GREM2: variants seen among roughly 807,000 people sequenced by gnomAD.
GREM2 encodes gremlin 2, DAN family BMP antagonist.
Under a neutral mutation model 14.2 loss-of-function variants are expected in GREM2, and 11 were observed. That is an observed-to-expected ratio of 0.78 (90% confidence interval 0.49 to 1.28). GREM2 has a LOEUF of 1.28. Ranked by LOEUF, GREM2 falls within the 50% of genes most tolerant of loss-of-function variation. The probability of loss-of-function intolerance (pLI) is 0.00; values close to 1 mark genes in which losing one functional copy is unlikely to be tolerated. For synonymous variants in GREM2, 98 were observed against 97.6 expected (o/e 1.00, Z -0.02); for missense variants, 210 against 218.5 (o/e 0.96, Z 0.24).
chr1:240,502,813 T>A (rs1677599329), intron 1 of GREM2, among the ~76,000 whole-genome samples: 1 of 152,234 alleles, frequency 6.6e-6, no homozygotes, highest in South Asian at 2.1e-4. Flanking sequence ...GTATTGAATT[T>A]CAAGTTCTTC....
chr1:240,578,514 G>T (rs1036275972), intron 1 of GREM2, among the ~76,000 whole-genome samples: 38 of 151,974 alleles, frequency 2.5e-4, no homozygotes, highest in African/African-American at 9.2e-4. Context: ...GCTGGGCACG[G>T]TGGCTCAAGT....
intron 1 of GREM2, among the ~76,000 whole-genome samples, chr1:240,591,497 G>C (rs923784321): frequency 1.3e-5 from 2 of 152,154 alleles, no homozygotes; most frequent in Non-Finnish European, 2.9e-5. Flanking sequence ...TTACGTCTTT[G>C]GTATTCCTTC....
chr1:240,544,935 G>A (rs1483035791), intron 1 of GREM2, among the ~76,000 whole-genome samples: 1 of 152,166 alleles, frequency 6.6e-6, no homozygotes, highest in Non-Finnish European at 1.5e-5. Flanking sequence ...ATTTCACAAA[G>A]AGAAAAAATA....
Position 240,540,927 on chromosome 1 carries a change from C to T in GREM2, c.-1-47451G>A, listed in dbSNP as rs1403613753. Among the ~76,000 whole-genome samples the T allele has an allele frequency of 6.6e-6, 1 of 152,102 alleles. No individual in the cohort carries two copies. Among genetic ancestry groups the T allele is most frequent in the Non-Finnish European group, 1.5e-5 (1 of 68,022 alleles). On this transcript the variant is annotated intron_variant, in intron 1 of 1. Coordinates refer to ENST00000318160, the MANE Select transcript of GREM2 (RefSeq NM_022469.4). This position sits in a 1 kb window ranked among gnomAD's most constrained non-coding sequence, Gnocchi z 4.2. ...ATGGCACTCATCAATCAGTTTGTCG[C>T]CTTCCAGCATTCTGGACCAGAAGTC...
At chr1:240,499,391 G>C (rs536519940) in intron 1 of GREM2, among the ~76,000 whole-genome samples, 2 of 152,156 alleles carry the variant, frequency 1.3e-5, no homozygotes, top group Non-Finnish European at 2.9e-5. Context: ...TTGGAAAGTT[G>C]AAGGGAAGTC....
chr1:240,547,508 A>T (rs1410279316), intron 1 of GREM2, among the ~76,000 whole-genome samples: 1 of 98,740 alleles, frequency 1.0e-5, no homozygotes, highest in Non-Finnish European at 1.8e-5. Flanking sequence ...TCAAAAAAAA[A>T]AAAAAAATAT....
intron 1 of GREM2, among the ~76,000 whole-genome samples, chr1:240,527,242 G>A (rs182552989): frequency 3.2e-4 from 48 of 152,258 alleles, no homozygotes; most frequent in Admixed American, 1.2e-3. Context: ...ATTTAATCTT[G>A]ATAGATTTTA....
chr1:240,592,248 T>G (rs2102864973), intron 1 of GREM2, among the ~76,000 whole-genome samples: 1 of 152,306 alleles, frequency 6.6e-6, no homozygotes, highest in Middle Eastern at 3.4e-3. Flanking sequence ...GCAATCAGAC[T>G]TGTAAGACAC....
At chr1:240,510,445 A>G (rs949754610) in intron 1 of GREM2, among the ~76,000 whole-genome samples, 10 of 148,074 alleles carry the variant, frequency 6.8e-5, no homozygotes, top group African/African-American at 2.5e-4. Flanking sequence ...CAGACTGCAG[A>G]CTGCTGGTTG....
At chr1:240,576,611 G>T (rs1445784915) in intron 1 of GREM2, among the ~76,000 whole-genome samples, 1 of 152,180 alleles carries the variant, frequency 6.6e-6, no homozygotes, top group African/African-American at 2.4e-5. Flanking sequence ...ACTGTAGTGG[G>T]AAGTGGGGGA....
chr1:240,567,214 C>T (rs572057122), intron 1 of GREM2, among the ~76,000 whole-genome samples: 1 of 152,170 alleles, frequency 6.6e-6, no homozygotes, highest in Admixed American at 6.5e-5. Flanking sequence ...GATAACTTCA[C>T]GTGGTCTAAT....
intron 1 of GREM2, among the ~76,000 whole-genome samples, chr1:240,586,939 A>G (rs1370046149): frequency 6.6e-6 from 1 of 152,188 alleles, no homozygotes; most frequent in Admixed American, 6.5e-5. Context: ...GAAAGAACTT[A>G]ATATACGTGT....
chr1:240,563,603 C>A (rs1679116751), intron 1 of GREM2, among the ~76,000 whole-genome samples: 1 of 152,124 alleles, frequency 6.6e-6, no homozygotes, highest in Non-Finnish European at 1.5e-5. Context: ...TCCATGGGAA[C>A]CTTAGGCGGT....
chr1:240,505,522 ATAAT>A (rs1677657793), intron 1 of GREM2, among the ~76,000 whole-genome samples: 1 of 152,286 alleles, frequency 6.6e-6, no homozygotes, highest in African/African-American at 2.4e-5. Context: ...TTTGTATTTA[ATAAT>A]TACTTACTAA....
chr1:240,599,310 T>A (rs917765562), intron 1 of GREM2, among the ~76,000 whole-genome samples: 4 of 151,554 alleles, frequency 2.6e-5, no homozygotes, highest in African/African-American at 9.7e-5. Context: ...GAGGGCTGTG[T>A]CTACTATTTA....
intron 1 of GREM2, among the ~76,000 whole-genome samples, chr1:240,514,247 CAAAAAAAA>C (rs34702912): frequency 6.4e-4 from 51 of 80,244 alleles, no homozygotes; most frequent in African/African-American, 2.2e-3. Context: ...GATTCCATCT[CAAAAAAAA>C]AAAAAAAAAA....
intron 1 of GREM2, among the ~76,000 whole-genome samples, chr1:240,584,534 A>C (rs960378513): frequency 6.6e-6 from 1 of 151,564 alleles, no homozygotes; most frequent in African/African-American, 2.4e-5. Flanking sequence ...ATAAAAATTA[A>C]AAATTAAAAA....
intron 1 of GREM2, among the ~76,000 whole-genome samples, chr1:240,582,341 A>G (rs892825841): frequency 3.3e-5 from 5 of 152,216 alleles, no homozygotes; most frequent in Non-Finnish European, 7.3e-5. Context: ...AGGCTGAGGC[A>G]GGAGAATCAC....
intron 1 of GREM2, among the ~76,000 whole-genome samples, chr1:240,598,360 T>C (rs1679860217): frequency 6.6e-6 from 1 of 152,232 alleles, no homozygotes; most frequent in Non-Finnish European, 1.5e-5. Flanking sequence ...ACTGATAATC[T>C]GGGAAAATGT....
Sources: allele counts gnomAD v4.1 joint callset (sites outside exome capture counted in the v4.1 genomes callset), GRCh38; gene constraint gnomAD v4.1.1; non-coding constraint Gnocchi (gnomAD v3.1); transcripts MANE v1.5; gene names NCBI Gene and HGNC (gene_info 2026-07-23, HGNC 2026-07-21).